GINS3: variants seen among roughly 807,000 people sequenced by gnomAD.
GINS3 encodes GINS complex subunit 3.
GINS3 carries 18 observed loss-of-function variants against 20.0 expected under a neutral mutation model. That is an observed-to-expected ratio of 0.90 (90% CI 0.62 to 1.33). GINS3 has a LOEUF of 1.33. Among genes scored for constraint, GINS3 ranks in the 40% most tolerant of loss-of-function variants. GINS3 has a pLI of 0.00. For missense variants in GINS3, 254 were observed against 273.6 expected (o/e 0.93, Z 0.51); for synonymous variants, 109 against 107.0 (o/e 1.02, Z -0.12).
At chr16:58,401,617 T>C (rs1965955592) in intron 1 of GINS3, among the ~76,000 whole-genome samples, 1 of 152,240 alleles carries the variant, frequency 6.6e-6, no homozygotes, top group South Asian at 2.1e-4. Flanking sequence ...AGAGCACTGA[T>C]TGGTGCATTT....
intron 1 of GINS3, chr16:58,402,853 T>C (rs1965975126): frequency 1.8e-5 from 10 of 549,548 alleles, no homozygotes; most frequent in African/African-American, 3.8e-5. Context: ...CTCTCACTTA[T>C]GCTACATTTT....
rs1965984502 is a variant in GINS3 at position 58,403,417 on chromosome 16, A to G, written c.420+86A>G. The G allele has an allele frequency of 1.1e-5, 11 of 1,040,968 alleles. No individual in the cohort carries two copies. The South Asian group carries it at 1.3e-4, about 12-fold the overall frequency. The allele number at this position is 1,040,968 out of a possible 1,614,324, so 64.5% of individuals were successfully genotyped here. On this transcript the variant is annotated intron_variant, in intron 2 of 2. Transcript: ENST00000318129. ...CTACTTTTACCCAGGACAGTGTATGACTTGTAAATTTAGTCTGTTTTTATT... is the reference window on the plus strand; with the variant it reads ...CTACTTTTACCCAGGACAGTGTATGGCTTGTAAATTTAGTCTGTTTTTATT...
intron 2 of GINS3, 180 bp downstream of exon 2, chr16:58,403,511 A>ACACACACACACG: frequency 1.7e-6 from 1 of 575,596 alleles, no homozygotes; most frequent in South Asian, 2.2e-5. Flanking sequence ...ACACACACAC[A>ACACACACACACG]CACACACACA....
intron 1 of GINS3, among the ~76,000 whole-genome samples, chr16:58,396,064 C>T (rs1233662883): frequency 3.6e-4 from 48 of 134,980 alleles, no homozygotes; most frequent in South Asian, 1.3e-3. Context: ...ACCTCCCGGA[C>T]GGGGCGGCTG....
chr16:58,404,772 C>T lies in GINS3; in HGVS notation c.*43C>T, dbSNP rs1278855948. The T allele has an allele frequency of 7.2e-7, 1 of 1,392,260 alleles. No individual in the cohort carries two copies. Among genetic ancestry groups the T allele is most frequent in the Non-Finnish European group, 1.0e-6 (1 of 989,790 alleles). The allele number at this position is 1,392,260 out of a possible 1,614,324, so 86.2% of individuals were successfully genotyped here. On this transcript the variant is annotated 3_prime_UTR_variant, in exon 3 of 3. Coordinates refer to ENST00000318129, the MANE Select transcript of GINS3 (RefSeq NM_022770.4). ...AATGGCTCCTCACAGACGTATCCCT[C>T]CGTGTGTCCTTGATAGGAGCTGGTT...
chr16:58,394,608 A>G (rs529259749), intron 1 of GINS3, among the ~76,000 whole-genome samples: 1 of 152,286 alleles, frequency 6.6e-6, no homozygotes, highest in African/African-American at 2.4e-5. Flanking sequence ...CAGCCTCCCA[A>G]AGTACTGGGA....
intron 1 of GINS3, among the ~76,000 whole-genome samples, chr16:58,395,757 C>T (rs1234413552): frequency 2.0e-5 from 3 of 152,172 alleles, no homozygotes; most frequent in African/African-American, 7.2e-5. Context: ...AGCAACCATC[C>T]GATTTCTCAA....
Position 58,404,812 on chromosome 16 carries a change from C to A in GINS3, c.*83C>A. The A allele has an allele frequency of 2.1e-6, 2 of 937,570 alleles. No homozygotes were observed. The highest frequency in any genetic ancestry group is 2.1e-5 in the Admixed American group (1 of 46,602). The allele number at this position is 937,570 out of a possible 1,614,324, so 58.1% of individuals were successfully genotyped here. A position where few individuals can be genotyped will look rare whatever the true frequency, so the allele number is the denominator to read the frequency against. ...AGGAGCTGGTTGACCTTGTACAGAA[C>A]CAGAATCCTGTCCCATTTCATGGCT... is the stretch of plus-strand genomic sequence containing the variant. On this transcript the variant is annotated 3_prime_UTR_variant, in exon 3 of 3. Coordinates refer to ENST00000318129, the MANE Select transcript of GINS3 (RefSeq NM_022770.4).
rs1392451402 is a variant in GINS3 at position 58,404,607 on chromosome 16, C to T, written c.529C>T (p.Gln177Ter). 7 of 1,614,124 alleles carry T rather than the reference C, an allele frequency of 4.3e-6. No individual in the cohort carries two copies. Among genetic ancestry groups the T allele is most frequent in the Non-Finnish European group, 5.9e-6 (7 of 1,179,996 alleles). ...RLDEMERGLF[Q>*]TGQKGLNDFQ... is the part of the protein sequence containing the mutation. The stretch of plus-strand genomic sequence containing the variant: ...AGACGAGATGGAGAGGGGCTTATTT[C>T]AAACAGGGCAGAAAGGACTGAATGA... Residue 177 changes from glutamine to a stop codon, truncating the protein, a stop_gained, in exon 3 of 3, where the codon CAA becomes TAA. Coordinates refer to ENST00000318129, the MANE Select transcript of GINS3 (RefSeq NM_022770.4). LOFTEE classifies it high-confidence loss of function.
chr16:58,398,155 T>TACACATTTTGA (rs2151493355), intron 1 of GINS3, among the ~76,000 whole-genome samples: 1 of 152,130 alleles, frequency 6.6e-6, no homozygotes, highest in African/African-American at 2.4e-5. Flanking sequence ...CACACACAGA[T>TACACATTTTGA]ACACATTTTG....
In GINS3 at chr16:58,395,195, C is replaced by T. The variant is rs555176506; in HGVS notation, c.186+2408C>T. 100 of 418,914 alleles carry T rather than the reference C, an allele frequency of 2.4e-4. 2 individuals are homozygous for T. The highest frequency in any genetic ancestry group is 2.0e-3 in the African/African-American group (98 of 48,388). The allele number at this position is 418,914 out of a possible 1,614,324, so 25.9% of individuals were successfully genotyped here. ...GGCTCCAGAGATCCTCCCACCTCAG[C>T]CACCTATGTGGCTGGTATTGCAGGT... On this transcript the variant is annotated intron_variant, in intron 1 of 2. Transcript: ENST00000318129.
At chr16:58,402,958 G>C in intron 1 of GINS3, 140 bp from the exon 2 acceptor site, 3 of 642,632 alleles carry the variant, frequency 4.7e-6, no homozygotes, top group Non-Finnish European at 5.4e-6. Flanking sequence ...TTCGAGTCAC[G>C]ACCAGGTCTT....
rs573021045 is a variant in GINS3 at position 58,393,938 on chromosome 16, T to C, written c.186+1151T>C. 2.6e-3 allele frequency among the ~76,000 whole-genome samples: 395 copies of C among 152,248 alleles called. 4 individuals carry two copies. The highest frequency in any genetic ancestry group is 9.1e-3 in the African/African-American group (379 of 41,548). On this transcript the variant is annotated intron_variant, in intron 1 of 2. Transcript: ENST00000318129. ...CCCCTCCAAGTCCACAGGGCTCATG[T>C]ACCTTTTTTAGTGGTGTCTTCAAGA...
chr16:58,392,695 C>A lies in GINS3; in HGVS notation c.94C>A (p.Leu32Met). The change falls in exon 1 of 3, where the codon CTG becomes ATG. Residue 32 changes from leucine to methionine, a missense_variant. Physicochemically the swap from Leu to Met is conservative, Grantham distance 15. Coordinates refer to ENST00000318129, the MANE Select transcript of GINS3 (RefSeq NM_022770.4). ...CGACATCCTGATGTCCCACGAGAAG[C>A]TGCCGGTGCGCACGGAGACCGCCAT... ...LDDILMSHEKLPVRTETAMPR... is the reference protein window; with the variant it reads ...LDDILMSHEKMPVRTETAMPR... 4.3e-6 allele frequency: 7 copies of A among 1,614,250 alleles called. No individual in the cohort carries two copies. Among genetic ancestry groups the A allele is most frequent in the Non-Finnish European group, 5.9e-6 (7 of 1,180,042 alleles).
chr16:58,393,417 T>A (rs1201090507), intron 1 of GINS3: 3 of 152,218 alleles, frequency 2.0e-5, no homozygotes, highest in Admixed American at 6.5e-5. Flanking sequence ...TATAAAATTG[T>A]CCCAGGAACA....
In GINS3 at chr16:58,403,253, C is replaced by G. The variant is rs922394191; in HGVS notation, c.342C>G (p.Pro114=). ...PNVVDLHKMG[P]HFYGFGSQLL... ...TGGTGGACCTCCACAAAATGGGGCCCCATTTCTACGGGTTTGGCTCCCAGC... is the reference window on the plus strand; with the variant it reads ...TGGTGGACCTCCACAAAATGGGGCCGCATTTCTACGGGTTTGGCTCCCAGC... Residue 114 remains proline, a synonymous_variant, in exon 2 of 3, where the codon CCC becomes CCG. Coordinates refer to ENST00000318129, the MANE Select transcript of GINS3 (RefSeq NM_022770.4). 1.2e-6 allele frequency: 2 copies of G among 1,614,096 alleles called. No homozygotes were observed.
chr16:58,401,785 C>T (rs577927780), intron 1 of GINS3, among the ~76,000 whole-genome samples: 6 of 152,332 alleles, frequency 3.9e-5, no homozygotes, highest in South Asian at 2.1e-4. Flanking sequence ...GCAGTGTGTT[C>T]GTCACTCCCA....
In GINS3 at chr16:58,392,605, T is replaced by C; in HGVS notation, c.4T>C (p.Ser2Pro). The change falls in exon 1 of 3, where the codon TCA becomes CCA. Residue 2 changes from serine to proline, a missense_variant. Physicochemically the swap from Ser to Pro is moderately conservative, Grantham distance 74 (BLOSUM62 -1). Transcript: ENST00000318129. M[S>P]EAYFRVESGA... is the part of the protein sequence containing the mutation. ...CGGAGAAGCTCAAGTGGCCGCCATG[T>C]CAGAGGCTTATTTCCGAGTGGAGTC... is the stretch of plus-strand genomic sequence containing the variant. The C allele has an allele frequency of 6.2e-7, 1 of 1,614,018 alleles. No homozygotes were observed. The highest frequency in any genetic ancestry group is 8.5e-7 in the Non-Finnish European group (1 of 1,179,838).
At chr16:58,395,784 C>A (rs1422596616) in intron 1 of GINS3, among the ~76,000 whole-genome samples, 6 of 152,182 alleles carry the variant, frequency 3.9e-5, no homozygotes, top group Admixed American at 3.9e-4. Context: ...CCCCACCTTT[C>A]CCCCCTTTCT....
Sources: allele counts gnomAD v4.1 joint callset (sites outside exome capture counted in the v4.1 genomes callset), GRCh38; gene constraint gnomAD v4.1.1; transcripts MANE v1.5; gene names NCBI Gene and HGNC (gene_info 2026-07-23, HGNC 2026-07-21).